The following KCNIP3 variants were observed in gnomAD, a reference collection of about 807,000 sequenced individuals.
The protein encoded by KCNIP3 is potassium voltage-gated channel interacting protein 3.
A neutral mutation model predicts 35.0 loss-of-function variants in KCNIP3; 28 were observed. The ratio of observed to expected loss-of-function variants is 0.80; its 90% CI spans 0.59 to 1.10. The LOEUF is 1.10. Among genes scored for constraint, KCNIP3 ranks in the 50% least tolerant of loss-of-function variants. The probability of loss-of-function intolerance (pLI) is 0.00; values close to 1 mark genes in which losing one functional copy is unlikely to be tolerated. For missense variants in KCNIP3, 295 were observed against 338.4 expected, an observed-to-expected ratio of 0.87 and a Z score of 1.01; for synonymous variants, 134 against 133.8, an observed-to-expected ratio of 1.00 and a Z score of -0.01.
At chr2:95,381,733 C>T (rs778476618) in intron 6 of KCNIP3, 30 bp downstream of exon 6, 2 of 1,402,202 alleles carry the variant, frequency 1.4e-6, no homozygotes, top group Admixed American at 3.4e-5. Flanking sequence ...AGGGATTGTC[C>T]CCTCCTCCCC....
intron 5 of KCNIP3, among the ~76,000 whole-genome samples, chr2:95,379,258 G>A (rs899444297): frequency 2.0e-5 from 3 of 152,236 alleles, no homozygotes; most frequent in African/African-American, 4.8e-5. Flanking sequence ...TGGACCCCTC[G>A]CTGAGGCTTG....
intron 2 of KCNIP3, among the ~76,000 whole-genome samples, chr2:95,333,014 G>A (rs532534904): frequency 2.0e-4 from 16 of 80,876 alleles, no homozygotes; most frequent in Middle Eastern, 5.2e-3. Flanking sequence ...CCTGTCTCGC[G>A]TGAGTTCTGT....
intron 2 of KCNIP3, chr2:95,346,975 G>A (rs367782812): frequency 2.0e-6 from 3 of 1,473,738 alleles, no homozygotes; most frequent in Non-Finnish European, 2.8e-6. Flanking sequence ...GCGCGTGGGC[G>A]AGGGGTGCGC....
intron 2 of KCNIP3, among the ~76,000 whole-genome samples, chr2:95,362,091 T>C (rs2104286522): frequency 6.6e-6 from 1 of 151,842 alleles, no homozygotes; most frequent in African/African-American, 2.4e-5. Flanking sequence ...GACATAGCTG[T>C]CTCTCCTACC....
intron 2 of KCNIP3, among the ~76,000 whole-genome samples, chr2:95,346,495 C>G (rs1679368583): frequency 6.7e-6 from 1 of 149,636 alleles, no homozygotes; most frequent in African/African-American, 2.4e-5. Context: ...CGCGGGGGGG[C>G]CGCAGGGACG....
intron 1 of KCNIP3, among the ~76,000 whole-genome samples, chr2:95,308,741 G>A (rs182455591): frequency 6.6e-6 from 1 of 152,306 alleles, no homozygotes; most frequent in African/African-American, 2.4e-5. Context: ...CTTCCCTGCA[G>A]GCTGTGACTG....
chr2:95,321,535 A>G (rs1341095652), intron 2 of KCNIP3, among the ~76,000 whole-genome samples: 1 of 152,210 alleles, frequency 6.6e-6, no homozygotes, highest in African/African-American at 2.4e-5. Flanking sequence ...GCTTGAATTG[A>G]CACAGCGTCA....
chr2:95,340,727 C>G (rs1679177568), intron 2 of KCNIP3, among the ~76,000 whole-genome samples: 1 of 152,178 alleles, frequency 6.6e-6, no homozygotes, highest in Non-Finnish European at 1.5e-5. Context: ...AATGTGATAT[C>G]TGGAATTAGG....
chr2:95,330,470 A>G (rs757331705), intron 2 of KCNIP3, among the ~76,000 whole-genome samples: 1 of 152,156 alleles, frequency 6.6e-6, no homozygotes, highest in Non-Finnish European at 1.5e-5. Context: ...CAAGAGCTCC[A>G]CTACCAACTT....
chr2:95,331,685 A>G (rs966773625), intron 2 of KCNIP3, among the ~76,000 whole-genome samples: 1 of 152,212 alleles, frequency 6.6e-6, no homozygotes, highest in Non-Finnish European at 1.5e-5. Context: ...CACATTCCAA[A>G]GAGCGCCCCA....
intron 2 of KCNIP3, among the ~76,000 whole-genome samples, chr2:95,337,418 G>T (rs1477126667): frequency 6.6e-6 from 1 of 152,006 alleles, no homozygotes; most frequent in Admixed American, 6.5e-5. Context: ...TCAAGGGGGC[G>T]GGGGAGGGAA....
intron 1 of KCNIP3, among the ~76,000 whole-genome samples, chr2:95,300,746 C>T (rs1346667833): frequency 6.6e-6 from 1 of 152,232 alleles, no homozygotes; most frequent in Non-Finnish European, 1.5e-5. Flanking sequence ...AGGGGACCTG[C>T]AGAGTTGGAG....
At chr2:95,318,528 G>A (rs1306761090) in intron 2 of KCNIP3, among the ~76,000 whole-genome samples, 1 of 152,178 alleles carries the variant, frequency 6.6e-6, no homozygotes, top group South Asian at 2.1e-4. Flanking sequence ...TCCCTGAGTC[G>A]GTACTTGTGG....
At chr2:95,335,972 C>A (rs1260179465) in intron 2 of KCNIP3, among the ~76,000 whole-genome samples, 1 of 152,152 alleles carries the variant, frequency 6.6e-6, no homozygotes, top group East Asian at 1.9e-4. Flanking sequence ...TTGTCACATG[C>A]CTTTTTGTTC....
Position 95,310,439 on chromosome 2 carries a change from A to G in KCNIP3, c.100A>G (p.Arg34Gly), listed in dbSNP as rs747504992. The change falls in exon 2 of 9, where the codon AGG (arginine) becomes GGG (glycine). Residue 34 changes from arginine (R) to glycine (G), a missense_variant. Coordinates refer to ENST00000295225, the MANE Select transcript of KCNIP3 (RefSeq NM_013434.5). ...CAAGAAGGAGGGTATCAAGTGGCAG[A>G]GGCCGAGGCTCAGCCGCCAGGCTTT... ...LSKKEGIKWQ[R>G]PRLSRQALMR... is the part of the protein sequence containing the mutation. 3.1e-6 allele frequency: 5 copies of G among 1,613,242 alleles called. No individual in the cohort carries two copies. The highest frequency in any genetic ancestry group is 4.2e-6 in the Non-Finnish European group (5 of 1,179,668).
chr2:95,305,411 C>T (rs1290940879), intron 1 of KCNIP3, among the ~76,000 whole-genome samples: 2 of 152,204 alleles, frequency 1.3e-5, no homozygotes, highest in Non-Finnish European at 2.9e-5. Context: ...CTGGTTTCCC[C>T]AATGACAGCA....
At chr2:95,304,361 C>T (rs1236206979) in intron 1 of KCNIP3, among the ~76,000 whole-genome samples, 5 of 152,200 alleles carry the variant, frequency 3.3e-5, no homozygotes, top group African/African-American at 4.8e-5. Context: ...AAGGCAGCAG[C>T]GATAAACTCC....
chr2:95,381,217 A>C (rs778381787), intron 5 of KCNIP3, among the ~76,000 whole-genome samples: 7 of 152,148 alleles, frequency 4.6e-5, no homozygotes, highest in Non-Finnish European at 1.0e-4. Flanking sequence ...ATCAGCTACC[A>C]TGCCACTCCT....
intron 2 of KCNIP3, among the ~76,000 whole-genome samples, chr2:95,317,403 G>T (rs1260897326): frequency 6.6e-6 from 1 of 152,208 alleles, no homozygotes; most frequent in Non-Finnish European, 1.5e-5. Context: ...GAGCTCCGGG[G>T]GCCTGGAGGC....
Sources: allele counts gnomAD v4.1 joint callset (sites outside exome capture counted in the v4.1 genomes callset), GRCh38; gene constraint gnomAD v4.1.1; transcripts MANE v1.5; gene names NCBI Gene and HGNC (gene_info 2026-07-23, HGNC 2026-07-21).